The following DLG2 variants were observed in gnomAD, a reference collection of about 807,000 sequenced individuals.
DLG2 encodes disks large homolog 2.
A neutral mutation model predicts 132.5 loss-of-function variants in DLG2; 45 were observed. That is an observed-to-expected ratio of 0.34 (90% CI 0.27 to 0.44). The LOEUF is 0.44. Ranked by LOEUF, DLG2 falls within the 20% of genes least tolerant of loss-of-function variation. The pLI is 1.00. For missense variants in DLG2, 1,045 were observed against 1,196.9 expected, an observed-to-expected ratio of 0.87 and a Z score of 1.87; for synonymous variants, 424 against 419.6, an observed-to-expected ratio of 1.01 and a Z score of -0.13.
chr11:84,082,679 G>T (rs759339542), intron 10 of DLG2, among the ~76,000 whole-genome samples: 1 of 152,140 alleles, frequency 6.6e-6, no homozygotes, highest in Non-Finnish European at 1.5e-5. Context: ...AATTGCAATT[G>T]CAGCCATGTG....
chr11:84,192,744 T>TA lies in DLG2; in HGVS notation c.574-29234dup, dbSNP rs1382457147. On this transcript the variant is annotated intron_variant, in intron 8 of 27. Transcript: ENST00000376104. ...GACTCCATCTCAAAAAATAAAAAAA[T>TA]AAAAAAATAAAAGAAATTGGGAAGT... Among the ~76,000 whole-genome samples the TA allele has an allele frequency of 2.7e-5, 4 of 150,700 alleles. No individual in the cohort carries two copies. The East Asian group carries it at 5.8e-4, about 22-fold the overall frequency.
At chr11:84,833,398 A>T (rs1327668564) in intron 6 of DLG2, among the ~76,000 whole-genome samples, 1 of 151,574 alleles carries the variant, frequency 6.6e-6, no homozygotes, top group African/African-American at 2.4e-5. Context: ...ACTGGTTTTT[A>T]TCTCACCCCT....
chr11:84,102,411 C>T (rs949055924), intron 9 of DLG2, among the ~76,000 whole-genome samples: 1 of 152,032 alleles, frequency 6.6e-6, no homozygotes, highest in Non-Finnish European at 1.5e-5. Flanking sequence ...AACAGGAAGA[C>T]TCAAAAAGGC....
At chr11:84,820,209 C>T (rs2077518980) in intron 6 of DLG2, among the ~76,000 whole-genome samples, 1 of 151,740 alleles carries the variant, frequency 6.6e-6, no homozygotes, top group Non-Finnish European at 1.5e-5. Context: ...ATATTCAGAA[C>T]CATTATCAGG....
At chr11:85,028,868 C>A (rs1343006292) in intron 6 of DLG2, among the ~76,000 whole-genome samples, 2 of 152,140 alleles carry the variant, frequency 1.3e-5, no homozygotes, top group African/African-American at 4.8e-5. Context: ...TGGGCTCCTG[C>A]CTGTTCCTGG....
At chr11:84,193,054 T>C (rs1007189859) in intron 8 of DLG2, among the ~76,000 whole-genome samples, 1 of 152,226 alleles carries the variant, frequency 6.6e-6, no homozygotes, top group African/African-American at 2.4e-5. Context: ...TGGCTAACAA[T>C]GCATGTAGTT....
At chr11:83,792,329 TAATA>T (rs1223001841) in intron 17 of DLG2, among the ~76,000 whole-genome samples, 1 of 152,148 alleles carries the variant, frequency 6.6e-6, no homozygotes, top group African/African-American at 2.4e-5. Context: ...ATATAGGAAC[TAATA>T]AATAAGAAAA....
chr11:84,362,053 T>A (rs774210498), intron 7 of DLG2, among the ~76,000 whole-genome samples: 3 of 151,920 alleles, frequency 2.0e-5, no homozygotes, highest in Non-Finnish European at 4.4e-5. Flanking sequence ...ATATTAATAA[T>A]TATATCAAAT....
intron 9 of DLG2, among the ~76,000 whole-genome samples, chr11:84,148,387 CT>C (rs1474568673): frequency 1.3e-5 from 2 of 152,044 alleles, no homozygotes; most frequent in Non-Finnish European, 2.9e-5. Context: ...TCCCTCTCCC[CT>C]CTGATGTTCC....
chr11:84,488,407 G>C (rs1309899879), intron 7 of DLG2, among the ~76,000 whole-genome samples: 1 of 152,046 alleles, frequency 6.6e-6, no homozygotes, highest in African/African-American at 2.4e-5. Context: ...GATGGCCATG[G>C]TCAAAGTCAT....
At chr11:84,777,539 G>T (rs1237359847) in intron 6 of DLG2, among the ~76,000 whole-genome samples, 1 of 151,466 alleles carries the variant, frequency 6.6e-6, no homozygotes, top group Non-Finnish European at 1.5e-5. Context: ...GTTTTCCATA[G>T]AGGTTGGACT....
At chr11:85,430,758 G>A (rs778805406) in intron 3 of DLG2, among the ~76,000 whole-genome samples, 2 of 151,886 alleles carry the variant, frequency 1.3e-5, no homozygotes, top group Non-Finnish European at 2.9e-5. Context: ...AGTTTTTAAG[G>A]GGGACTGAAC....
intron 17 of DLG2, among the ~76,000 whole-genome samples, chr11:83,798,357 A>G (rs1184402151): frequency 6.6e-6 from 1 of 152,262 alleles, no homozygotes; most frequent in African/African-American, 2.4e-5. Context: ...AATGCTTAAA[A>G]TAATATTTGG....
At chr11:84,653,821 G>C (rs1386630468) in intron 6 of DLG2, among the ~76,000 whole-genome samples, 1 of 152,080 alleles carries the variant, frequency 6.6e-6, no homozygotes, top group Non-Finnish European at 1.5e-5. Context: ...TAACAGGATG[G>C]GGCATAGTGA....
chr11:85,493,503 T>A (rs771549199), intron 3 of DLG2, among the ~76,000 whole-genome samples: 2 of 152,144 alleles, frequency 1.3e-5, no homozygotes, highest in Non-Finnish European at 2.9e-5. Context: ...GCGTAATTTA[T>A]AAACAATAGA....
intron 5 of DLG2, among the ~76,000 whole-genome samples, chr11:85,123,900 A>G (rs1193473468): frequency 2.6e-5 from 4 of 152,222 alleles, no homozygotes; most frequent in African/African-American, 4.8e-5. Flanking sequence ...AACATTTGGT[A>G]TCTTTCTCTC....
intron 7 of DLG2, among the ~76,000 whole-genome samples, chr11:84,275,898 T>A (rs1598888122): frequency 6.6e-6 from 1 of 152,212 alleles, no homozygotes; most frequent in Non-Finnish European, 1.5e-5. Context: ...CTAGAGTCTG[T>A]TGTTAGGGTA....
intron 19 of DLG2, among the ~76,000 whole-genome samples, chr11:83,545,088 T>C (rs915628477): frequency 2.6e-5 from 4 of 152,046 alleles, no homozygotes; most frequent in African/African-American, 4.8e-5. Flanking sequence ...CTATGGGGAG[T>C]TGAGGTAGAG....
intron 12 of DLG2, among the ~76,000 whole-genome samples, chr11:83,978,686 T>C (rs2092505743): frequency 6.6e-6 from 1 of 152,138 alleles, no homozygotes; most frequent in South Asian, 2.1e-4. Context: ...TCATTAATGG[T>C]ATATTTTTTG....
Sources: allele counts gnomAD v4.1 joint callset (sites outside exome capture counted in the v4.1 genomes callset), GRCh38; gene constraint gnomAD v4.1.1; transcripts MANE v1.5; gene names NCBI Gene and HGNC (gene_info 2026-07-23, HGNC 2026-07-21).